The following SH3GLB1 variants were observed in gnomAD, a reference collection of about 807,000 sequenced individuals.
SH3GLB1 encodes SH3 domain containing GRB2 like, endophilin B1, also known as endophilin-B1.
A neutral mutation model predicts 42.0 loss-of-function variants in SH3GLB1; 17 were observed. That is an observed-to-expected ratio of 0.40 (90% confidence interval 0.28 to 0.61). The LOEUF (loss-of-function observed/expected upper bound fraction) is 0.61, where lower values mean the gene tolerates loss of function less well. SH3GLB1 is among the 20% of genes least tolerant of loss of function. The pLI is 0.36. For synonymous variants in SH3GLB1, 132 were observed against 146.6 expected, an observed-to-expected ratio of 0.90 and a Z score of 0.72; for missense variants, 355 against 426.3, an observed-to-expected ratio of 0.83 and a Z score of 1.47.
At chr1:86,728,870 G>A (rs1655352619) in intron 5 of SH3GLB1, among the ~76,000 whole-genome samples, 1 of 152,060 alleles carries the variant, frequency 6.6e-6, no homozygotes, top group South Asian at 2.1e-4. Flanking sequence ...GTAGCTTCAA[G>A]ATTTACCTTA....
chr1:86,730,382 T>C, intron 5 of SH3GLB1: 3 of 985,300 alleles, frequency 3.0e-6, no homozygotes, highest in Non-Finnish European at 3.6e-6. Flanking sequence ...TTCCTTACTA[T>C]AGAAGGCAGG....
chr1:86,737,170 AT>A (rs962911522), intron 7 of SH3GLB1, among the ~76,000 whole-genome samples: 4 of 152,140 alleles, frequency 2.6e-5, no homozygotes, highest in African/African-American at 4.8e-5. Flanking sequence ...AAGATTAGCA[AT>A]TTTTTTAATA....
intron 1 of SH3GLB1, among the ~76,000 whole-genome samples, chr1:86,713,219 AC>A: frequency 6.6e-6 from 1 of 152,146 alleles, no homozygotes; most frequent in Middle Eastern, 3.4e-3. Flanking sequence ...AGCTGGGACT[AC>A]AGGTGTGCAC....
Position 86,729,978 on chromosome 1 carries a change from A to G in SH3GLB1, c.571-4624A>G, listed in dbSNP as rs1029479684. On this transcript the variant is annotated intron_variant, in intron 5 of 8. Coordinates refer to ENST00000370558, the MANE Select transcript of SH3GLB1 (RefSeq NM_016009.5). ...GTTTAATCTATAAATATGATTCTGA[A>G]AAAGAGTATGCCATTTAAACAAATA... The G allele has an allele frequency of 1.7e-5, 18 of 1,060,110 alleles. No homozygotes were observed. The African/African-American group carries it at 2.9e-4, about 17-fold the overall frequency. The allele number at this position is 1,060,110 out of a possible 1,614,324, so 65.7% of individuals were successfully genotyped here.
intron 2 of SH3GLB1, among the ~76,000 whole-genome samples, chr1:86,717,538 G>C (rs925029432): frequency 2.0e-5 from 3 of 152,032 alleles, no homozygotes; most frequent in African/African-American, 7.2e-5. Flanking sequence ...TCCTGCCTCT[G>C]CCTGCTGAGA....
At position 86,742,345 on chromosome 1, in the gene SH3GLB1, AC is replaced by A. The variant is rs1558342189; in HGVS notation, c.901del (p.Lys302ArgfsTer30). 6.2e-7 allele frequency: 1 copy of A among 1,614,116 alleles called. No individual in the cohort carries two copies. Among genetic ancestry groups the A allele is most frequent in the Non-Finnish European group, 8.5e-7 (1 of 1,180,000 alleles). On this transcript the variant is annotated frameshift_variant, in exon 8 of 9. Coordinates refer to ENST00000370558, the MANE Select transcript of SH3GLB1 (RefSeq NM_016009.5). LOFTEE classifies it high-confidence loss of function. Reference sequence around the variant, plus strand: ...ATCACCTCTCCTTCCAACCTCAGTGACCTTAAGGAGTGTAGTGGCAGCAGAA... The same window carrying A: ...ATCACCTCTCCTTCCAACCTCAGTGACTTAAGGAGTGTAGTGGCAGCAGAA... ...LVITSPSNLS[D>X]LKECSGSRKA...
intron 3 of SH3GLB1, among the ~76,000 whole-genome samples, chr1:86,722,129 A>T (rs1381493102): frequency 6.7e-6 from 1 of 149,862 alleles, no homozygotes; most frequent in African/African-American, 2.5e-5. Flanking sequence ...GGGACTGCAG[A>T]CATATGCCAC....
chr1:86,705,079 T>G, intron 1 of SH3GLB1, 108 bp downstream of exon 1: 1 of 707,460 alleles, frequency 1.4e-6, no homozygotes, highest in East Asian at 3.5e-5. Flanking sequence ...CCAGCGGGCC[T>G]GCTGCAGCCA....
At chr1:86,720,793 A>T (rs2101939965) in intron 3 of SH3GLB1, among the ~76,000 whole-genome samples, 1 of 152,346 alleles carries the variant, frequency 6.6e-6, no homozygotes, top group South Asian at 2.1e-4. Flanking sequence ...GAAATAACCT[A>T]AATATTGTTG....
chr1:86,731,940 A>G (rs900152826), intron 5 of SH3GLB1, among the ~76,000 whole-genome samples: 4 of 151,996 alleles, frequency 2.6e-5, no homozygotes, highest in African/African-American at 7.2e-5. Flanking sequence ...TTAGCCAGGC[A>G]TGGTGTCCCA....
chr1:86,714,715 A>C (rs1376760293), intron 1 of SH3GLB1, among the ~76,000 whole-genome samples: 1 of 152,230 alleles, frequency 6.6e-6, no homozygotes, highest in Non-Finnish European at 1.5e-5. Context: ...CTGTTTTGTC[A>C]GCCAGAAGTG....
intron 1 of SH3GLB1, among the ~76,000 whole-genome samples, chr1:86,712,273 G>A (rs1435427808): frequency 1.3e-5 from 2 of 152,066 alleles, no homozygotes; most frequent in African/African-American, 4.8e-5. Flanking sequence ...AAGTGATCTG[G>A]GGGAGAAAGC....
rs1029575304 is a variant in SH3GLB1 at position 86,719,439 on chromosome 1, G to A, written c.215-68G>A. 5.6e-6 allele frequency: 8 copies of A among 1,433,448 alleles called. No homozygotes were observed. In the East Asian group the frequency reaches 1.7e-4, roughly 30 times the overall value. The allele number at this position is 1,433,448 out of a possible 1,614,324, so 88.8% of individuals were successfully genotyped here. ...GAGATGATAAATGGCTGCTGATGGGGGAAAAAAACAATCTTCTAATTAGTT... is the reference window on the plus strand; with the variant it reads ...GAGATGATAAATGGCTGCTGATGGGAGAAAAAAACAATCTTCTAATTAGTT... On this transcript the variant is annotated intron_variant, in intron 2 of 8. Transcript: ENST00000370558.
At chr1:86,730,255 C>T in intron 5 of SH3GLB1, 3 of 1,391,104 alleles carry the variant, frequency 2.2e-6, no homozygotes, top group Non-Finnish European at 2.8e-6. Flanking sequence ...GGGATATGTT[C>T]AGGTCTCTTT....
At chr1:86,738,975 G>T (rs958162574) in intron 7 of SH3GLB1, among the ~76,000 whole-genome samples, 3 of 152,210 alleles carry the variant, frequency 2.0e-5, no homozygotes, top group Non-Finnish European at 2.9e-5. Flanking sequence ...CTGAAAGAAT[G>T]GGGAGTTGTA....
At position 86,727,543 on chromosome 1, in the gene SH3GLB1, G is replaced by A. The variant is rs1655262736; in HGVS notation, c.570+3138G>A. 2.0e-5 allele frequency among the ~76,000 whole-genome samples: 3 copies of A among 151,958 alleles called. No individual in the cohort carries two copies. In the South Asian group the frequency reaches 6.2e-4, roughly 31 times the overall value. The stretch of plus-strand genomic sequence containing the variant: ...GAGCTTTTCACTTTAGGGTTCCTTA[G>A]CCAGTAAGTATAATGCAAATATTCC... On this transcript the variant is annotated intron_variant, in intron 5 of 8. Coordinates refer to ENST00000370558, the MANE Select transcript of SH3GLB1 (RefSeq NM_016009.5).
At position 86,744,109 on chromosome 1, in the gene SH3GLB1, C is replaced by T. The variant is rs1262523758; in HGVS notation, c.*874C>T. ...ATGCAACTACATTATAAATTGTATA[C>T]GAACAAAATAAATTGGGTCACTCTG... On this transcript the variant is annotated 3_prime_UTR_variant, in exon 9 of 9. Coordinates refer to ENST00000370558, the MANE Select transcript of SH3GLB1 (RefSeq NM_016009.5). 2 of 151,996 alleles carry T rather than the reference C, an allele frequency of 1.3e-5. No individual in the cohort carries two copies. Among genetic ancestry groups the T allele is most frequent in the Non-Finnish European group, 1.5e-5 (1 of 68,006 alleles). 9.4% of individuals were successfully genotyped at this position (151,996 alleles called of 1,614,324 possible).
At position 86,712,154 on chromosome 1, in the gene SH3GLB1, T is replaced by C. The variant is rs368709460; in HGVS notation, c.73-3570T>C. ...TTATAATTTCAATTTTAAAATATGA[T>C]AGCATTAGCAATGTCCTTATTGTGT... On this transcript the variant is annotated intron_variant, in intron 1 of 8. Transcript: ENST00000370558. Among the ~76,000 whole-genome samples, 6 of 152,298 alleles carry C rather than the reference T, an allele frequency of 3.9e-5. No homozygotes were observed. The East Asian group carries it at 7.7e-4, about 20-fold the overall frequency.
At chr1:86,730,944 C>T (rs906918961) in intron 5 of SH3GLB1, among the ~76,000 whole-genome samples, 3 of 152,188 alleles carry the variant, frequency 2.0e-5, no homozygotes, top group African/African-American at 7.2e-5. Context: ...GATTTTACTA[C>T]AGTTAAGGTC....
Sources: allele counts gnomAD v4.1 joint callset (sites outside exome capture counted in the v4.1 genomes callset), GRCh38; gene constraint gnomAD v4.1.1; transcripts MANE v1.5; gene names NCBI Gene and HGNC (gene_info 2026-07-23, HGNC 2026-07-21).